The following UNC5D variants were observed in gnomAD, a reference collection of about 807,000 sequenced individuals.
UNC5D encodes netrin receptor UNC5D.
In UNC5D, 39 loss-of-function variants were observed where a neutral mutation model predicts 105.4. That is an observed-to-expected ratio of 0.37 (90% CI 0.29 to 0.48). The LOEUF is 0.48. UNC5D is among the 20% of genes least tolerant of loss of function. UNC5D has a pLI of 0.98. For synonymous variants in UNC5D, 452 were observed against 450.4 expected, an observed-to-expected ratio of 1.00 and a Z score of -0.04; for missense variants, 991 against 1,202.4, an observed-to-expected ratio of 0.82 and a Z score of 2.60.
At chr8:35,433,872 G>T (rs1806820048) in intron 1 of UNC5D, among the ~76,000 whole-genome samples, 1 of 149,350 alleles carries the variant, frequency 6.7e-6, no homozygotes, top group Non-Finnish European at 1.5e-5. Context: ...GAAAGAAAAA[G>T]AAAAAAAAGA....
intron 1 of UNC5D, among the ~76,000 whole-genome samples, chr8:35,456,910 T>A (rs145596979): frequency 5.1e-4 from 78 of 152,342 alleles, no homozygotes; most frequent in African/African-American, 1.7e-3. Context: ...GCACTAAACA[T>A]GCATCTCCCT....
intron 3 of UNC5D, among the ~76,000 whole-genome samples, chr8:35,592,370 A>G (rs1234918238): frequency 2.6e-5 from 4 of 152,152 alleles, no homozygotes; most frequent in Non-Finnish European, 5.9e-5. Context: ...CTCTTGTAGT[A>G]TAATTCTTGT....
chr8:35,587,410 G>T (rs1048583732), intron 3 of UNC5D, among the ~76,000 whole-genome samples: 2 of 152,162 alleles, frequency 1.3e-5, no homozygotes, highest in Non-Finnish European at 2.9e-5. Context: ...CATCTTAACT[G>T]CCAGAGACTT....
At chr8:35,274,096 A>G (rs993561970) in intron 1 of UNC5D, among the ~76,000 whole-genome samples, 1 of 152,098 alleles carries the variant, frequency 6.6e-6, no homozygotes, top group African/African-American at 2.4e-5. Context: ...TTTAACCTTT[A>G]AGAATCTCAA....
chr8:35,301,159 GA>G (rs1563293548), intron 1 of UNC5D, among the ~76,000 whole-genome samples: 1 of 152,144 alleles, frequency 6.6e-6, no homozygotes, highest in Non-Finnish European at 1.5e-5. Flanking sequence ...GAGAATGTAA[GA>G]TGACCTTGAG....
At chr8:35,595,298 C>CT (rs1326563957) in intron 3 of UNC5D, among the ~76,000 whole-genome samples, 1 of 151,914 alleles carries the variant, frequency 6.6e-6, no homozygotes, top group Non-Finnish European at 1.5e-5. Flanking sequence ...TTTTTTTTTC[C>CT]TACTCTCCTA....
intron 1 of UNC5D, among the ~76,000 whole-genome samples, chr8:35,497,630 AATGGAAGCATGGAGC>A (rs1254421162): frequency 6.6e-6 from 1 of 151,640 alleles, no homozygotes; most frequent in Admixed American, 6.6e-5. Flanking sequence ...TACAAATGGT[AATGGAAGCATGGAGC>A]ATGGATGAAA....
intron 4 of UNC5D, among the ~76,000 whole-genome samples, chr8:35,644,041 C>T (rs2131146171): frequency 6.6e-6 from 1 of 152,254 alleles, no homozygotes; most frequent in South Asian, 2.1e-4. Context: ...CAGCTTAATT[C>T]TTCACTCCTG....
intron 1 of UNC5D, among the ~76,000 whole-genome samples, chr8:35,509,667 A>G (rs1408551119): frequency 6.6e-6 from 1 of 151,398 alleles, no homozygotes; most frequent in Admixed American, 6.6e-5. Context: ...TCTTACCACA[A>G]CACAGAATAC....
At chr8:35,710,345 T>C (rs1294322176) in intron 8 of UNC5D, among the ~76,000 whole-genome samples, 1 of 152,186 alleles carries the variant, frequency 6.6e-6, no homozygotes, top group Non-Finnish European at 1.5e-5. Context: ...TTCCAAAATT[T>C]TGGCTATGCA....
At chr8:35,368,856 CAGT>C (rs1326249744) in intron 1 of UNC5D, among the ~76,000 whole-genome samples, 1 of 152,060 alleles carries the variant, frequency 6.6e-6, no homozygotes, top group Admixed American at 6.5e-5. Context: ...TGTAAGGACA[CAGT>C]AAGAGGGTGT....
In UNC5D at chr8:35,698,373, G is replaced by A. The variant is rs922200778; in HGVS notation, c.1085-7556G>A. ...TAGATTTCTAGGACTTCTTTATCTT[G>A]CCTAATTAAACTTTTTACCCCTTGA... is the stretch of plus-strand genomic sequence containing the variant. On this transcript the variant is annotated intron_variant, in intron 7 of 16. Coordinates refer to ENST00000404895, the MANE Select transcript of UNC5D (RefSeq NM_080872.4). Among the ~76,000 whole-genome samples the A allele has an allele frequency of 4.6e-5, 7 of 151,512 alleles. No individual in the cohort carries two copies. In the South Asian group the frequency reaches 1.5e-3, roughly 32 times the overall value.
At chr8:35,294,481 T>C (rs575225852) in intron 1 of UNC5D, among the ~76,000 whole-genome samples, 1 of 152,302 alleles carries the variant, frequency 6.6e-6, no homozygotes, top group East Asian at 1.9e-4. Context: ...CATCCTTTGC[T>C]GGCATTTAAT....
chr8:35,416,222 G>A (rs2128961813), intron 1 of UNC5D, among the ~76,000 whole-genome samples: 1 of 152,132 alleles, frequency 6.6e-6, no homozygotes, highest in South Asian at 2.1e-4. Flanking sequence ...ACCATAGGGA[G>A]ACTGACTTGG....
intron 12 of UNC5D, among the ~76,000 whole-genome samples, chr8:35,749,333 C>T (rs1233742974): frequency 6.6e-6 from 1 of 152,128 alleles, no homozygotes; most frequent in Non-Finnish European, 1.5e-5. Context: ...AATTGAATTA[C>T]TATTTTAAGT....
rs76303778 is a variant in UNC5D, at chr8:35,466,492, T to A, written c.104-82800T>A. Among the ~76,000 whole-genome samples the A allele has an allele frequency of 2.8e-4, 43 of 152,280 alleles. 2 individuals carry two copies. In the East Asian group the frequency reaches 6.8e-3, roughly 24 times the overall value. ...TAAAACTTTACATTCAAGCCAGTGC[T>A]TTTTTAATCAGATTGTAAAAATGCA... On this transcript the variant is annotated intron_variant, in intron 1 of 16. Coordinates refer to ENST00000404895, the MANE Select transcript of UNC5D (RefSeq NM_080872.4).
chr8:35,745,264 C>A (rs1394274165), intron 11 of UNC5D, among the ~76,000 whole-genome samples: 1 of 152,102 alleles, frequency 6.6e-6, no homozygotes, highest in Admixed American at 6.5e-5. Context: ...GTCAGTTAAG[C>A]AAGAACCTGA....
At chr8:35,472,667 G>T (rs537609482) in intron 1 of UNC5D, among the ~76,000 whole-genome samples, 1 of 152,290 alleles carries the variant, frequency 6.6e-6, no homozygotes, top group South Asian at 2.1e-4. Flanking sequence ...ATTAAAGCGA[G>T]AAAATACTCT....
intron 1 of UNC5D, among the ~76,000 whole-genome samples, chr8:35,303,679 G>A (rs1808129023): frequency 6.6e-6 from 1 of 152,106 alleles, no homozygotes; most frequent in Admixed American, 6.6e-5. Context: ...AAGTTAATGG[G>A]CTCGAATGCC....
Sources: gnomAD v4.1 joint callset for allele counts (sites outside exome capture counted in the v4.1 genomes callset) on GRCh38, gnomAD v4.1.1 for gene constraint, MANE v1.5 for transcripts, NCBI Gene and HGNC (gene_info 2026-07-23, HGNC 2026-07-21) for gene names.